AFF3: variants seen among roughly 807,000 people sequenced by gnomAD.
AFF3 encodes ALF transcription elongation factor 3, also known as AF4/FMR2 family member 3.
AFF3 carries 32 observed loss-of-function variants against 129.7 expected under a neutral mutation model. That is an observed-to-expected ratio of 0.25 (90% CI 0.19 to 0.33). AFF3 has a LOEUF of 0.33. Among genes scored for constraint, AFF3 ranks in the 10% least tolerant of loss-of-function variants. The pLI is 1.00. For missense variants in AFF3, 1,373 were observed against 1,592.0 expected, an observed-to-expected ratio of 0.86 and a Z score of 2.34; for synonymous variants, 644 against 635.4, an observed-to-expected ratio of 1.01 and a Z score of -0.20.
At chr2:99,673,732 G>A (rs537831229) in intron 11 of AFF3, among the ~76,000 whole-genome samples, 21 of 152,268 alleles carry the variant, frequency 1.4e-4, no homozygotes, top group African/African-American at 3.4e-4. Flanking sequence ...TTTAAAAGCC[G>A]GTTGTAGGCC....
At chr2:99,857,682 T>C (rs368059063) in intron 7 of AFF3, among the ~76,000 whole-genome samples, 1 of 152,168 alleles carries the variant, frequency 6.6e-6, no homozygotes, top group East Asian at 1.9e-4. Context: ...AGGATCCCAC[T>C]CATCCTTCAA....
chr2:99,631,737 T>A (rs1464153585), intron 13 of AFF3, among the ~76,000 whole-genome samples: 2 of 152,232 alleles, frequency 1.3e-5, no homozygotes, highest in Non-Finnish European at 2.9e-5. Flanking sequence ...GCCAGTTTTG[T>A]TTATCCAGTC....
intron 7 of AFF3, among the ~76,000 whole-genome samples, chr2:99,974,481 G>A (rs1053419738): frequency 5.9e-5 from 9 of 152,182 alleles, no homozygotes; most frequent in African/African-American, 2.2e-4. Context: ...CAGACAAGAA[G>A]CTAATTGCAG....
In AFF3 at chr2:99,547,715, T is replaced by C. The variant is rs988231133; in HGVS notation, c.*3759A>G. ...CAATATTAGGCACTAGTAATATCCT[T>C]CAGGCGTACTACAGTTTTATGTTAG... On this transcript the variant is annotated 3_prime_UTR_variant, in exon 25 of 25. Coordinates refer to ENST00000672756, the MANE Select transcript of AFF3 (RefSeq NM_001386135.1). 9.5e-6 allele frequency: 2 copies of C among 209,594 alleles called. No homozygotes were observed. Among genetic ancestry groups the C allele is most frequent in the Admixed American group, 1.2e-4 (2 of 16,974 alleles). The allele number at this position is 209,594 out of a possible 1,614,324, so 13.0% of individuals were successfully genotyped here.
chr2:100,105,377 G>A, intron 3 of AFF3, 127 bp downstream of exon 3: 2 of 1,266,200 alleles, frequency 1.6e-6, no homozygotes, highest in South Asian at 1.3e-5. Flanking sequence ...GAAATAAAGC[G>A]GCGGCGCGGA....
At chr2:99,635,098 T>TGTATATGATATATACACATATCTCTAG (rs1351245135) in intron 13 of AFF3, among the ~76,000 whole-genome samples, 3 of 151,390 alleles carry the variant, frequency 2.0e-5, no homozygotes, top group Admixed American at 1.3e-4. Flanking sequence ...CATATCTCTA[T>TGTATATGATATATACACATATCTCTAG]GTATATGATA....
chr2:99,978,094 A>G (rs1251679251), intron 7 of AFF3, among the ~76,000 whole-genome samples: 1 of 152,202 alleles, frequency 6.6e-6, no homozygotes, highest in African/African-American at 2.4e-5. Flanking sequence ...GTTCAAAGAG[A>G]GCTGTACCAT....
At chr2:99,724,271 C>CTTATTTTTTTTT (rs1679164467) in intron 11 of AFF3, among the ~76,000 whole-genome samples, 1 of 66,862 alleles carries the variant, frequency 1.5e-5, no homozygotes, top group Non-Finnish European at 2.5e-5. Flanking sequence ...AATGACCTTT[C>CTTATTTTTTTTT]TTTTTTTTTT....
intron 10 of AFF3, among the ~76,000 whole-genome samples, chr2:99,742,602 G>C (rs1680808270): frequency 6.6e-6 from 1 of 152,210 alleles, no homozygotes; most frequent in Non-Finnish European, 1.5e-5. Context: ...ACGGTGAAGT[G>C]ATAGCAGCAG....
intron 18 of AFF3, among the ~76,000 whole-genome samples, chr2:99,576,240 C>T (rs1287764122): frequency 1.3e-5 from 2 of 151,622 alleles, no homozygotes; most frequent in African/African-American, 4.8e-5. Context: ...ACCATCTTGG[C>T]CAGGCTGGTC....
chr2:99,768,172 T>C (rs1031468853), intron 8 of AFF3, among the ~76,000 whole-genome samples: 21 of 152,234 alleles, frequency 1.4e-4, no homozygotes, highest in Non-Finnish European at 1.8e-4. Flanking sequence ...AAAGTATTTA[T>C]TGAAAAAGTA....
chr2:99,662,721 T>C (rs1427147175), intron 12 of AFF3, among the ~76,000 whole-genome samples: 1 of 152,208 alleles, frequency 6.6e-6, no homozygotes, highest in African/African-American at 2.4e-5. Context: ...AGAAACTTCA[T>C]TTTGGAGCCT....
At chr2:99,567,235 C>T (rs1427980185) in intron 19 of AFF3, among the ~76,000 whole-genome samples, 1 of 151,862 alleles carries the variant, frequency 6.6e-6, no homozygotes, top group Non-Finnish European at 1.5e-5. Context: ...CTGCCTTAGC[C>T]TCCCAAAGTG....
intron 7 of AFF3, among the ~76,000 whole-genome samples, chr2:99,940,073 C>G (rs1322567012): frequency 6.6e-6 from 1 of 152,142 alleles, no homozygotes; most frequent in East Asian, 1.9e-4. Context: ...ATGCGTATGT[C>G]TAATGTGGCA....
chr2:99,861,761 T>C (rs781384425), intron 7 of AFF3, among the ~76,000 whole-genome samples: 2 of 152,336 alleles, frequency 1.3e-5, no homozygotes, highest in African/African-American at 2.4e-5. Context: ...TACAAAGTTA[T>C]AACAATAAAT....
At chr2:99,667,418 G>A (rs967356401) in intron 12 of AFF3, among the ~76,000 whole-genome samples, 5 of 152,030 alleles carry the variant, frequency 3.3e-5, no homozygotes, top group African/African-American at 7.2e-5. Flanking sequence ...AAAAAAGAAC[G>A]AATCTCAAAT....
At chr2:99,693,398 A>T (rs1297249239) in intron 11 of AFF3, among the ~76,000 whole-genome samples, 1 of 152,168 alleles carries the variant, frequency 6.6e-6, no homozygotes, top group African/African-American at 2.4e-5. Flanking sequence ...ATATGCCCAA[A>T]TCTAATTTTC....
intron 13 of AFF3, among the ~76,000 whole-genome samples, chr2:99,614,538 C>G (rs1180937355): frequency 6.6e-6 from 1 of 152,148 alleles, no homozygotes; most frequent in Non-Finnish European, 1.5e-5. Flanking sequence ...CTTGTGGGGT[C>G]CTAGTTACTT....
At chr2:99,864,896 AAAGGGCAGAGTC>A (rs201313605) in intron 7 of AFF3, among the ~76,000 whole-genome samples, 2,489 of 152,260 alleles carry the variant, frequency 0.016, 36 homozygotes, top group Non-Finnish European at 0.025. Flanking sequence ...AAATCAAACA[AAAGGGCAGAGTC>A]ATGCTTTCTT....
Sources: allele counts gnomAD v4.1 joint callset (sites outside exome capture counted in the v4.1 genomes callset), GRCh38; gene constraint gnomAD v4.1.1; transcripts MANE v1.5; gene names NCBI Gene and HGNC (gene_info 2026-07-23, HGNC 2026-07-21).